Variants in OR51B5 observed in about 807,000 individuals in gnomAD.
The protein encoded by OR51B5 is olfactory receptor 51B5.
For synonymous variants in OR51B5, 186 were observed against 144.8 expected, an observed-to-expected ratio of 1.28 and a Z score of -2.04; for missense variants, 456 against 374.6, an observed-to-expected ratio of 1.22 and a Z score of -1.79.
chr11:5,367,309 A>G (rs1422227532), intron 1 of OR51B5, among the ~76,000 whole-genome samples: 1 of 152,206 alleles, frequency 6.6e-6, no homozygotes, highest in African/African-American at 2.4e-5. Flanking sequence ...TCCATACAGA[A>G]AAGTGAAAGC....
intron 1 of OR51B5, among the ~76,000 whole-genome samples, chr11:5,465,075 G>T (rs185351119): frequency 6.0e-5 from 9 of 150,634 alleles, no homozygotes; most frequent in Non-Finnish European, 1.3e-4. Flanking sequence ...GCGTAGTGGC[G>T]GGCGCCTGTA....
intron 1 of OR51B5, chr11:5,352,334 A>G (rs1849109662): frequency 1.9e-6 from 3 of 1,613,734 alleles, no homozygotes; most frequent in African/African-American, 1.3e-5. Context: ...ACAATGAGCT[A>G]CATCCACTTC....
intron 1 of OR51B5, among the ~76,000 whole-genome samples, chr11:5,499,285 T>TGACCTATTTCTGTGAATAGGACTCTTA (rs6144191): frequency 6.6e-6 from 1 of 150,474 alleles, no homozygotes; most frequent in Non-Finnish European, 1.5e-5. Context: ...GGTTACTCTT[T>TGACCTATTTCTGTGAATAGGACTCTTA]GACCTATTTC....
intron 1 of OR51B5, among the ~76,000 whole-genome samples, chr11:5,366,772 T>A (rs1051507727): frequency 2.0e-5 from 3 of 152,076 alleles, no homozygotes; most frequent in Non-Finnish European, 2.9e-5. Flanking sequence ...AGATTCAAAG[T>A]CTTTAGAATA....
chr11:5,375,969 C>T (rs1013738510), intron 1 of OR51B5, among the ~76,000 whole-genome samples: 2 of 152,082 alleles, frequency 1.3e-5, no homozygotes, highest in African/African-American at 2.4e-5. Flanking sequence ...ACCTAATAGA[C>T]ATCTACAGAA....
At chr11:5,440,520 A>G (rs770085220) in intron 1 of OR51B5, 1 of 1,335,766 alleles carries the variant, frequency 7.5e-7, no homozygotes, top group Non-Finnish European at 1.1e-6. Context: ...TAAGTTGTTA[A>G]CATGTCCCAA....
chr11:5,416,913 A>T (rs1249220520), intron 1 of OR51B5, among the ~76,000 whole-genome samples: 4 of 151,868 alleles, frequency 2.6e-5, no homozygotes, highest in Admixed American at 1.3e-4. Flanking sequence ...TCTTCACAGA[A>T]TTGGAAAAAA....
intron 1 of OR51B5, among the ~76,000 whole-genome samples, chr11:5,364,393 G>C (rs1849334959): frequency 2.0e-5 from 3 of 152,062 alleles, no homozygotes; most frequent in Non-Finnish European, 4.4e-5. Flanking sequence ...TGCAGTTTAG[G>C]AGCTATGTGA....
At chr11:5,485,326 C>T (rs1005096919) in intron 1 of OR51B5, among the ~76,000 whole-genome samples, 7 of 152,156 alleles carry the variant, frequency 4.6e-5, no homozygotes, top group African/African-American at 1.4e-4. Context: ...ATTGAGGCAA[C>T]GTTCAGAAGT....
intron 1 of OR51B5, among the ~76,000 whole-genome samples, chr11:5,447,116 CAAT>C (rs1182440244): frequency 5.3e-5 from 8 of 152,174 alleles, no homozygotes; most frequent in Non-Finnish European, 7.4e-5. Context: ...ATGTATCTCA[CAAT>C]GATAATAATA....
At chr11:5,497,204 G>A (rs748903054) in intron 1 of OR51B5, among the ~76,000 whole-genome samples, 1 of 152,144 alleles carries the variant, frequency 6.6e-6, no homozygotes, top group African/African-American at 2.4e-5. Flanking sequence ...GGTACATATT[G>A]ACATGTTAAT....
intron 1 of OR51B5, among the ~76,000 whole-genome samples, chr11:5,426,223 G>A (rs1850448702): frequency 2.0e-5 from 3 of 152,168 alleles, no homozygotes. Context: ...GTGAAGTGTT[G>A]AATAGGTGAA....
chr11:5,433,496 G>T (rs1850559021), intron 1 of OR51B5, among the ~76,000 whole-genome samples: 1 of 152,078 alleles, frequency 6.6e-6, no homozygotes, highest in Admixed American at 6.6e-5. Flanking sequence ...TTATCCTCTG[G>T]TTACCCAGTG....
intron 1 of OR51B5, among the ~76,000 whole-genome samples, chr11:5,491,014 C>T (rs1321371058): frequency 1.3e-5 from 2 of 152,368 alleles, no homozygotes; most frequent in Non-Finnish European, 2.9e-5. Flanking sequence ...CTTCATCAGA[C>T]TAGGCATTTC....
At position 5,375,001 on chromosome 11, in the gene OR51B5, C is replaced by T. The variant is rs527488403; in HGVS notation, n.85-28091G>A. Among the ~76,000 whole-genome samples, 615 of 151,562 alleles carry T rather than the reference C, an allele frequency of 4.1e-3. 1 individual carries two copies. Among genetic ancestry groups the T allele is most frequent in the African/African-American group, 0.012 (483 of 41,230 alleles). Reference sequence around the variant, plus strand: ...CAGAGAACGCCACAAACATACTCCTCGAGAAGAGCAACTCCAAGACACATA... The same window carrying T: ...CAGAGAACGCCACAAACATACTCCTTGAGAAGAGCAACTCCAAGACACATA... On this transcript the variant is annotated intron_variant and non_coding_transcript_variant, in intron 1 of 4. Transcript: ENST00000415970.
Position 5,357,302 on chromosome 11 carries a change from C to CA in OR51B5, n.85-10393dup, listed in dbSNP as rs1331241624. 2.8e-4 allele frequency among the ~76,000 whole-genome samples: 42 copies of CA among 151,082 alleles called. 1 individual carries two copies. Among genetic ancestry groups the CA allele is most frequent in the Non-Finnish European group, 5.3e-4 (36 of 67,760 alleles). The stretch of plus-strand genomic sequence containing the variant: ...GAAGATCTACCAAGAAAATGGAAAA[C>CA]AAAAAAAGGCAGGGGTTGCAATCCT... On this transcript the variant is annotated intron_variant and non_coding_transcript_variant, in intron 1 of 4. Coordinates refer to the OR51B5 transcript ENST00000415970.
exon 1 of OR51B5, chr11:5,343,243 G>A (rs1486677308): frequency 6.2e-7 from 1 of 1,613,760 alleles, no homozygotes; most frequent in Non-Finnish European, 8.5e-7. Flanking sequence ...GGGAAAAGCA[G>A]GCCGCACTTC....
In OR51B5 at chr11:5,425,937, GAGAC is replaced by G. The variant is rs1850443112; in HGVS notation, n.85-79031_85-79028del. Among the ~76,000 whole-genome samples, 7 of 152,174 alleles carry G rather than the reference GAGAC, an allele frequency of 4.6e-5. 1 individual carries two copies. The highest frequency in any genetic ancestry group is 3.9e-4 in the Admixed American group (6 of 15,288). On this transcript the variant is annotated intron_variant and non_coding_transcript_variant, in intron 1 of 4. Coordinates refer to the OR51B5 transcript ENST00000415970. ...TGCAATAATTAGCGTAAAAAGAAAA[GAGAC>G]AGAAAATTTGAAGTTGCCAAGGTGT...
chr11:5,445,385 A>G (rs1489906033), intron 1 of OR51B5, among the ~76,000 whole-genome samples: 1 of 152,166 alleles, frequency 6.6e-6, no homozygotes, highest in Non-Finnish European at 1.5e-5. Context: ...TTTTTTGTAC[A>G]AATGCATGCT....
Sources: gnomAD v4.1 joint callset for allele counts (sites outside exome capture counted in the v4.1 genomes callset) on GRCh38, gnomAD v4.1.1 for gene constraint, MANE v1.5 for transcripts, NCBI Gene and HGNC (gene_info 2026-07-23, HGNC 2026-07-21) for gene names.